Variants in ABCC9 observed in about 807,000 individuals in gnomAD.
ABCC9 encodes the protein ATP-binding cassette sub-family C member 9.
A neutral mutation model predicts 188.3 loss-of-function variants in ABCC9; 95 were observed. The ratio of observed to expected loss-of-function variants is 0.50; its 90% CI spans 0.43 to 0.60. The LOEUF (loss-of-function observed/expected upper bound fraction) is 0.60. ABCC9 is among the 20% of genes least tolerant of loss of function. The pLI is 0.00. For missense variants in ABCC9, 1,102 were observed against 1,876.3 expected (o/e 0.59, Z 7.62); for synonymous variants, 659 against 652.7 (o/e 1.01, Z -0.15).
intron 5 of ABCC9, chr12:21,923,521 C>A (rs762943887): frequency 2.2e-5 from 6 of 275,704 alleles, no homozygotes; most frequent in Admixed American, 5.2e-5. Flanking sequence ...CCAATAAACT[C>A]ATCAAAGAGT....
rs368079660 is a variant in ABCC9 at position 21,807,358 on chromosome 12, A to G, written c.4437T>C (p.Ile1479=). Residue 1479 remains isoleucine (I), a synonymous_variant, in exon 38 of 40, where the codon ATT becomes ATC. Transcript: ENST00000261200. ...ILIMDEATAS[I]DMATENILQK... is the part of the protein sequence containing the mutation. ...ATAATGCACTCACTGTGGCCATGTC[A>G]ATGGAAGCTGTTGCCTCATCCATAA... 71 of 1,613,816 alleles carry G rather than the reference A, an allele frequency of 4.4e-5. No homozygotes were observed. The highest frequency in any genetic ancestry group is 5.6e-5 in the Non-Finnish European group (66 of 1,179,822).
chr12:21,845,551 T>C (rs1944614265), intron 26 of ABCC9, 52 bp downstream of exon 26: 1 of 1,435,490 alleles, frequency 7.0e-7, no homozygotes, highest in Middle Eastern at 1.7e-4. Flanking sequence ...GGTATCACTG[T>C]TAATCTCAAT....
At position 21,809,841 on chromosome 12, in the gene ABCC9, A is replaced by G. The variant is rs781522912; in HGVS notation, c.4315+11T>C. The G allele has an allele frequency of 1.2e-5, 18 of 1,511,912 alleles. No homozygotes were observed. The African/African-American group carries it at 2.3e-4, about 20-fold the overall frequency. The allele number at this position is 1,511,912 out of a possible 1,614,324, so 93.7% of individuals were successfully genotyped here. On this transcript the variant is annotated intron_variant, in intron 37 of 39. Coordinates refer to ENST00000261200, the MANE Select transcript of ABCC9 (RefSeq NM_020297.4). ...TATATAAAAAATAAATATGCTATTTAGGAAATATACCTAGACCTCCAGGTA... is the reference window on the plus strand; with the variant it reads ...TATATAAAAAATAAATATGCTATTTGGGAAATATACCTAGACCTCCAGGTA...
chr12:21,864,573 A>G (rs914549228), intron 18 of ABCC9, 96 bp from the exon 19 acceptor site: 16 of 842,158 alleles, frequency 1.9e-5, no homozygotes, highest in African/African-American at 3.4e-5. Flanking sequence ...AACACTGGAC[A>G]TATTAAAGAG....
Position 21,862,963 on chromosome 12 carries a change from T to TA in ABCC9, c.2328dup (p.Asn777Ter). 6.2e-7 allele frequency: 1 copy of TA among 1,605,976 alleles called. No individual in the cohort carries two copies. The highest frequency in any genetic ancestry group is 1.1e-5 in the South Asian group (1 of 90,898). ...TATGCTCAAAATTACCTCTGTTTGT[T>TA]AAAAGGACTTCCAAAAGTAATATTT... On this transcript the variant is annotated frameshift_variant, in exon 20 of 40. Coordinates refer to ENST00000261200, the MANE Select transcript of ABCC9 (RefSeq NM_020297.4). LOFTEE classifies it high-confidence loss of function.
chr12:21,823,377 T>A (rs898271850), intron 31 of ABCC9, among the ~76,000 whole-genome samples: 1 of 152,176 alleles, frequency 6.6e-6, no homozygotes, highest in Non-Finnish European at 1.5e-5. Context: ...ATGTGATCCC[T>A]CTCCTTCATA....
chr12:21,806,195 A>G, intron 38 of ABCC9, 135 bp from the exon 39 acceptor site: 1 of 786,120 alleles, frequency 1.3e-6, no homozygotes, highest in South Asian at 1.5e-5. Context: ...AGTCATAAGA[A>G]GGGGCAGTCC....
rs145537670 is a variant in ABCC9 at position 21,849,182 on chromosome 12, G to GAA, written c.2770-938_2770-937dup. Among the ~76,000 whole-genome samples, 18 of 150,842 alleles carry GAA rather than the reference G, an allele frequency of 1.2e-4. No individual in the cohort carries two copies. In the East Asian group the frequency reaches 1.6e-3, roughly 13 times the overall value. ...AGCTTCCTGTATATGCCAATACAAA[G>GAA]AAAAAAAAACCTACACAGTTTTTCT... On this transcript the variant is annotated intron_variant, in intron 24 of 39. Transcript: ENST00000261200.
intron 24 of ABCC9, among the ~76,000 whole-genome samples, chr12:21,849,197 A>G (rs1944839009): frequency 6.6e-6 from 1 of 152,100 alleles, no homozygotes; most frequent in Non-Finnish European, 1.5e-5. Flanking sequence ...AAAAACCTAC[A>G]CAGTTTTTCT....
intron 30 of ABCC9, among the ~76,000 whole-genome samples, chr12:21,833,309 C>G (rs1279483551): frequency 2.0e-5 from 3 of 152,008 alleles, no homozygotes; most frequent in Non-Finnish European, 4.4e-5. Context: ...AAAATGAACT[C>G]TGGAGGATCT....
At position 21,797,929 on chromosome 12, in the gene ABCC9, T is replaced by G. The variant is rs1941230326; in HGVS notation, c.*3115A>C. 1 of 152,186 alleles carries G rather than the reference T, an allele frequency of 6.6e-6. No individual in the cohort carries two copies. The highest frequency in any genetic ancestry group is 6.5e-5 in the Admixed American group (1 of 15,270). The allele number at this position is 152,186 out of a possible 1,614,324, so 9.4% of individuals were successfully genotyped here. A position where few individuals can be genotyped will look rare whatever the true frequency, so the allele number is the denominator to read the frequency against. ...TTTATAAATGTAAAATCTGATTTAG[T>G]TAAGGTGGTCATCTTTTACAGATAT... On this transcript the variant is annotated 3_prime_UTR_variant, in exon 40 of 40. Coordinates refer to ENST00000261200, the MANE Select transcript of ABCC9 (RefSeq NM_020297.4).
intron 39 of ABCC9, among the ~76,000 whole-genome samples, chr12:21,803,428 C>T (rs1057244008): frequency 1.4e-4 from 21 of 152,008 alleles, no homozygotes; most frequent in East Asian, 1.9e-4. Context: ...GAGGGCGAGG[C>T]GGGCGGATCA....
rs1024095026 is a variant in ABCC9, at chr12:21,887,879, G to T, written c.1858C>A (p.Arg620=). Residue 620 remains arginine, a synonymous_variant, in exon 15 of 40, where the codon CGA becomes AGA. Transcript: ENST00000261200. ...AAAGGAAGCGAACTTTCACCAGTTC[G>T]CCAACTGTCGTCACCAATCTCATCA... ...LSDEIGDDSW[R]TGESSLPFES... The T allele has an allele frequency of 6.2e-7, 1 of 1,613,366 alleles. No individual in the cohort carries two copies. Among genetic ancestry groups the T allele is most frequent in the Non-Finnish European group, 8.5e-7 (1 of 1,179,484 alleles).
In ABCC9 at chr12:21,904,106, G is replaced by A. The variant is rs553629583; in HGVS notation, c.1618+2020C>T. Reference sequence around the variant, plus strand: ...ATATAGACCAATGGAACAGAACAGAGCCCTCAGAAATAATACCACACATCT... The same window carrying A: ...ATATAGACCAATGGAACAGAACAGAACCCTCAGAAATAATACCACACATCT... On this transcript the variant is annotated intron_variant, in intron 12 of 39. Transcript: ENST00000261200. Among the ~76,000 whole-genome samples the A allele has an allele frequency of 3.3e-5, 5 of 152,222 alleles. No individual in the cohort carries two copies. In the South Asian group the frequency reaches 8.3e-4, roughly 25 times the overall value.
chr12:21,879,681 T>C (rs1293847865), intron 16 of ABCC9, among the ~76,000 whole-genome samples: 1 of 152,104 alleles, frequency 6.6e-6, no homozygotes, highest in African/African-American at 2.4e-5. Flanking sequence ...CATTTTCTCC[T>C]GCTGAAAATA....
intron 24 of ABCC9, among the ~76,000 whole-genome samples, chr12:21,851,813 TG>T (rs1305926347): frequency 1.3e-5 from 2 of 152,198 alleles, no homozygotes; most frequent in Non-Finnish European, 1.5e-5. Flanking sequence ...AAGTAGTTTC[TG>T]TAAGTTTTAA....
At chr12:21,899,086 A>G (rs1478745890) in intron 12 of ABCC9, among the ~76,000 whole-genome samples, 1 of 152,206 alleles carries the variant, frequency 6.6e-6, no homozygotes, top group African/African-American at 2.4e-5. Context: ...TCTCACTGCC[A>G]GTACTCATTT....
chr12:21,894,407 C>T (rs548705180), intron 13 of ABCC9, among the ~76,000 whole-genome samples: 6 of 152,284 alleles, frequency 3.9e-5, no homozygotes, highest in African/African-American at 1.4e-4. Context: ...AAAAATTCTA[C>T]TTACAGGTTA....
At chr12:21,835,086 G>A (rs968776209) in intron 30 of ABCC9, among the ~76,000 whole-genome samples, 3 of 152,010 alleles carry the variant, frequency 2.0e-5, no homozygotes, top group African/African-American at 7.3e-5. Context: ...CATGACAAGG[G>A]GCAACATCAA....
Sources: gnomAD v4.1 joint callset for allele counts (sites outside exome capture counted in the v4.1 genomes callset) on GRCh38, gnomAD v4.1.1 for gene constraint, MANE v1.5 for transcripts, NCBI Gene and HGNC (gene_info 2026-07-23, HGNC 2026-07-21) for gene names.